PPEF1: variants seen among roughly 807,000 people sequenced by gnomAD.
PPEF1 encodes serine/threonine-protein phosphatase with EF-hands 1.
PPEF1 carries 12 observed loss-of-function variants against 53.3 expected under a neutral mutation model. That is an observed-to-expected ratio of 0.23 (90% CI 0.14 to 0.36). The LOEUF is 0.36. Among genes scored for constraint, PPEF1 ranks in the 10% least tolerant of loss-of-function variants. The pLI, the probability that PPEF1 is intolerant of heterozygous loss-of-function variation, is 1.00. For synonymous variants in PPEF1, 165 were observed against 176.7 expected (o/e 0.93, Z 0.52); for missense variants, 334 against 490.4 (o/e 0.68, Z 3.01).
intron 12 of PPEF1, among the ~76,000 whole-genome samples, chrX:18,815,270 T>C (rs2046882430): frequency 8.9e-6 from 1 of 111,794 alleles, no homozygotes; most frequent in African/African-American, 3.3e-5. Context: ...GTTGAGGATA[T>C]TGTATCTATA....
intron 2 of PPEF1, among the ~76,000 whole-genome samples, chrX:18,733,210 AAAAAG>A (rs976902298): frequency 1.8e-4 from 20 of 111,751 alleles, no homozygotes; most frequent in Non-Finnish European, 3.2e-4. Context: ...CCATCTTAAA[AAAAAG>A]AAAAGAAGAG....
At chrX:18,710,666 A>AATTTT (rs1386136775) in intron 1 of PPEF1, among the ~76,000 whole-genome samples, 1 of 111,749 alleles carries the variant, frequency 8.9e-6, no homozygotes, top group Non-Finnish European at 1.9e-5. Context: ...TATTACTAAA[A>AATTTT]AGTCAAAAAA....
chrX:18,735,111 T>G (rs1173797915), intron 3 of PPEF1, among the ~76,000 whole-genome samples: 1 of 112,009 alleles, frequency 8.9e-6, no homozygotes, highest in Non-Finnish European at 1.9e-5. Flanking sequence ...TTTTTTGCTG[T>G]GCGGAAGCTC....
At chrX:18,686,952 C>CTCCATCCTGCA (rs1929107300) in intron 3 of PPEF1, among the ~76,000 whole-genome samples, 2 of 111,050 alleles carry the variant, frequency 1.8e-5, no homozygotes, top group African/African-American at 3.3e-5. Flanking sequence ...AAGCTCGTCC[C>CTCCATCCTGCA]TCCATCCTGC....
At chrX:18,734,623 T>G (rs774685511) in intron 3 of PPEF1, among the ~76,000 whole-genome samples, 21 of 111,617 alleles carry the variant, frequency 1.9e-4, no homozygotes, top group African/African-American at 6.8e-4. Flanking sequence ...GCATGATTTA[T>G]AATCCTTTGG....
chrX:18,811,587 GTATA>G (rs59907227), intron 12 of PPEF1, among the ~76,000 whole-genome samples: 341 of 43,885 alleles, frequency 7.8e-3, no homozygotes, highest in East Asian at 0.018. Context: ...CACTTATTCA[GTATA>G]TATATATATA....
intron 1 of PPEF1, among the ~76,000 whole-genome samples, chrX:18,710,204 T>C (rs1265597479): frequency 8.9e-6 from 1 of 112,261 alleles, no homozygotes; most frequent in Non-Finnish European, 1.9e-5. Flanking sequence ...ATTGAATTAT[T>C]TATTTTTATA....
At position 18,744,579 on chromosome X, in the gene PPEF1, G is replaced by A. The variant is rs756666760; in HGVS notation, c.236-5213G>A. On this transcript the variant is annotated intron_variant, in intron 3 of 15. Coordinates refer to ENST00000470157, the MANE Select transcript of PPEF1 (RefSeq NM_001377996.1). Reference sequence around the variant, plus strand: ...GGAAGCGGGGAGTGGGATGGAGTGTGTGGAAGTGTTGTTTTCACTTTTCTT... The same window carrying A: ...GGAAGCGGGGAGTGGGATGGAGTGTATGGAAGTGTTGTTTTCACTTTTCTT... Among the ~76,000 whole-genome samples the A allele has an allele frequency of 2.7e-5, 3 of 111,651 alleles. No homozygotes were observed. In the South Asian group the frequency reaches 1.1e-3, roughly 42 times the overall value.
At chrX:18,762,672 T>G (rs912623169) in intron 6 of PPEF1, among the ~76,000 whole-genome samples, 2 of 112,028 alleles carry the variant, frequency 1.8e-5, no homozygotes, top group African/African-American at 3.2e-5. Flanking sequence ...TTAGACCACA[T>G]AGGGTAACTT....
At chrX:18,693,867 C>G (rs763924324) in intron 4 of PPEF1, among the ~76,000 whole-genome samples, 1 of 112,190 alleles carries the variant, frequency 8.9e-6, no homozygotes, top group South Asian at 3.7e-4. Context: ...CACGCCCAGC[C>G]AGTTCTGTGA....
intron 4 of PPEF1, chrX:18,691,305 C>T (rs1248921524): frequency 2.7e-5 from 3 of 111,879 alleles, no homozygotes; most frequent in Non-Finnish European, 5.6e-5. Context: ...GTCACTGAGT[C>T]ACAGGACTGT....
At chrX:18,682,787 G>A (rs1446789862), upstream of PPEF1, among the ~76,000 whole-genome samples, 5 of 111,643 alleles carry the variant, frequency 4.5e-5, no homozygotes, top group Non-Finnish European at 9.4e-5. Flanking sequence ...TCAGTCCCCA[G>A]TAAGTGGGGA....
chrX:18,720,407 C>A (rs753484527), intron 1 of PPEF1, among the ~76,000 whole-genome samples: 1 of 111,311 alleles, frequency 9.0e-6, no homozygotes, highest in East Asian at 2.8e-4. Context: ...GCCTGGCCAA[C>A]GTGATGAAAC....
chrX:18,807,325 C>T (rs2046694027), intron 12 of PPEF1, among the ~76,000 whole-genome samples: 1 of 111,821 alleles, frequency 8.9e-6, no homozygotes. Flanking sequence ...GCCACTGCGC[C>T]CGGTCTAAGA....
rs2047157855 is a variant in PPEF1, at chrX:18,825,958, A to G, written c.1750+123A>G. 2.9e-5 allele frequency: 13 copies of G among 446,167 alleles called. No individual in the cohort carries two copies. The South Asian group carries it at 6.4e-4, about 22-fold the overall frequency. 36.8% of individuals were successfully genotyped at this position (446,167 alleles called of 1,213,427 possible). A position where few individuals can be genotyped will look rare whatever the true frequency, so the allele number is the denominator to read the frequency against. ...AATATGGTTTGACACCTTCATTGGTAAGATGGAGGCCTTGCTTATGCATAC... is the reference window on the plus strand; with the variant it reads ...AATATGGTTTGACACCTTCATTGGTGAGATGGAGGCCTTGCTTATGCATAC... On this transcript the variant is annotated intron_variant, in intron 15 of 15. Transcript: ENST00000470157.
chrX:18,749,727 T>G (rs1290283323), intron 3 of PPEF1, 65 bp from the exon 4 acceptor site: 2 of 809,986 alleles, frequency 2.5e-6, no homozygotes, highest in African/African-American at 4.2e-5. Flanking sequence ...TTTATTAAAT[T>G]TAAGTATTGA....
chrX:18,805,282 C>G (rs982535127), intron 11 of PPEF1, among the ~76,000 whole-genome samples: 4 of 111,196 alleles, frequency 3.6e-5, no homozygotes, highest in Middle Eastern at 4.3e-3. Flanking sequence ...CCGCGCCTGG[C>G]CTGGAATGCA....
intron 4 of PPEF1, among the ~76,000 whole-genome samples, chrX:18,754,037 A>G (rs1157670999): frequency 2.0e-5 from 2 of 98,224 alleles, no homozygotes; most frequent in Non-Finnish European, 4.2e-5. Context: ...ACTTCCTTGA[A>G]CACCAGGAGC....
chrX:18,685,700 A>G (rs995140398), intron 2 of PPEF1, among the ~76,000 whole-genome samples: 15 of 108,512 alleles, frequency 1.4e-4, no homozygotes, highest in African/African-American at 2.7e-4. Flanking sequence ...AAAAAAAAAA[A>G]AAAGAAAAAA....
Sources: allele counts gnomAD v4.1 joint callset (sites outside exome capture counted in the v4.1 genomes callset), GRCh38; gene constraint gnomAD v4.1.1; transcripts MANE v1.5; gene names NCBI Gene and HGNC (gene_info 2026-07-23, HGNC 2026-07-21).